MECOM: variants seen among roughly 807,000 people sequenced by gnomAD.
MECOM encodes the protein MDS1 and EVI1 complex locus, also known as histone-lysine N-methyltransferase MECOM.
MECOM carries 13 observed loss-of-function variants against 116.3 expected under a neutral mutation model. That is an observed-to-expected ratio of 0.11 (90% CI 0.07 to 0.18). The LOEUF (loss-of-function observed/expected upper bound fraction) is 0.18. MECOM is among the 10% of genes least tolerant of loss of function. The pLI is 1.00. For missense variants in MECOM, 1,299 were observed against 1,509.0 expected (o/e 0.86, Z 2.31); for synonymous variants, 528 against 535.2 (o/e 0.99, Z 0.19).
intron 3 of MECOM, 52 bp from the exon 4 acceptor site, chr3:169,131,583 T>C (rs982862370): frequency 2.8e-6 from 4 of 1,430,248 alleles, no homozygotes; most frequent in Admixed American, 1.9e-5. Flanking sequence ...GAGATGTATA[T>C]ATATTAACAA....
At chr3:169,235,133 C>T (rs1753875696) in intron 2 of MECOM, among the ~76,000 whole-genome samples, 1 of 152,170 alleles carries the variant, frequency 6.6e-6, no homozygotes, top group African/African-American at 2.4e-5. Flanking sequence ...TTGGTAGAGA[C>T]TAAACTCTTA....
intron 2 of MECOM, among the ~76,000 whole-genome samples, chr3:169,199,526 G>A (rs767413243): frequency 6.6e-6 from 1 of 152,016 alleles, no homozygotes; most frequent in African/African-American, 2.4e-5. Flanking sequence ...TGATCCTCCT[G>A]CCTAAGCCTC....
chr3:169,123,635 A>T (rs1731827796), intron 5 of MECOM, among the ~76,000 whole-genome samples: 2 of 152,104 alleles, frequency 1.3e-5, no homozygotes, highest in South Asian at 2.1e-4. Flanking sequence ...ACACTGGGAT[A>T]CTACCCCCAA....
At chr3:169,146,128 C>A in intron 2 of MECOM, 4 of 617,112 alleles carry the variant, frequency 6.5e-6, no homozygotes, top group Non-Finnish European at 8.7e-6. Context: ...AAGCTGTCAA[C>A]CTCCAAAGAT....
At chr3:169,329,584 G>T (rs1000478771) in intron 2 of MECOM, among the ~76,000 whole-genome samples, 1 of 152,082 alleles carries the variant, frequency 6.6e-6, no homozygotes, top group African/African-American at 2.4e-5. Flanking sequence ...CATCTAACTC[G>T]CTCTGTCCAG....
At chr3:169,265,038 A>T (rs1425933608) in intron 2 of MECOM, among the ~76,000 whole-genome samples, 1 of 152,198 alleles carries the variant, frequency 6.6e-6, no homozygotes, top group African/African-American at 2.4e-5. Flanking sequence ...AAACAGAAAA[A>T]AAAAAAAGTT....
intron 1 of MECOM, among the ~76,000 whole-genome samples, chr3:169,481,737 C>T (rs752160365): frequency 2.0e-5 from 3 of 152,014 alleles, no homozygotes; most frequent in South Asian, 2.1e-4. Context: ...ACACAACAAC[C>T]TCTGGTTTCT....
chr3:169,237,629 A>T (rs1754242251), intron 2 of MECOM, among the ~76,000 whole-genome samples: 1 of 149,510 alleles, frequency 6.7e-6, no homozygotes, highest in South Asian at 2.1e-4. Flanking sequence ...AAAAAAAAAA[A>T]AAAAAATGTG....
chr3:169,430,768 A>C (rs751156798), intron 1 of MECOM, among the ~76,000 whole-genome samples: 1 of 152,206 alleles, frequency 6.6e-6, no homozygotes, highest in Non-Finnish European at 1.5e-5. Context: ...CCAGCCATCT[A>C]GTACCAATCA....
chr3:169,570,867 C>A (rs1249250483), intron 1 of MECOM, among the ~76,000 whole-genome samples: 7 of 152,132 alleles, frequency 4.6e-5, no homozygotes, highest in South Asian at 2.1e-4. Context: ...TTATGACAAA[C>A]CCACAGTCTA....
intron 1 of MECOM, among the ~76,000 whole-genome samples, chr3:169,495,241 G>C (rs564019862): frequency 6.6e-6 from 1 of 152,238 alleles, no homozygotes; most frequent in South Asian, 2.1e-4. Flanking sequence ...CCGGTTTATA[G>C]CTTTGATAAG....
chr3:169,624,226 G>T (rs549321649), intron 1 of MECOM, among the ~76,000 whole-genome samples: 75 of 152,280 alleles, frequency 4.9e-4, no homozygotes, highest in African/African-American at 1.8e-3. Flanking sequence ...AAACTGCCAG[G>T]TTTCTGCCTG....
Position 169,466,406 on chromosome 3 carries a change from A to T in MECOM, c.38-84882T>A, listed in dbSNP as rs544267815. On this transcript the variant is annotated intron_variant, in intron 1 of 16. Coordinates refer to ENST00000651503, the MANE Select transcript of MECOM (RefSeq NM_004991.4). Reference sequence around the variant, plus strand: ...TCTATCTGAGTGCCAACAGCAAGATAAATGAAAGACTGGTTCACTGGAGTA... The same window carrying T: ...TCTATCTGAGTGCCAACAGCAAGATTAATGAAAGACTGGTTCACTGGAGTA... 2.0e-5 allele frequency among the ~76,000 whole-genome samples: 3 copies of T among 152,310 alleles called. No homozygotes were observed. In the East Asian group the frequency reaches 5.8e-4, roughly 29 times the overall value.
At chr3:169,261,762 GGAA>G (rs1757585817) in intron 2 of MECOM, among the ~76,000 whole-genome samples, 1 of 114,464 alleles carries the variant, frequency 8.7e-6, no homozygotes, top group South Asian at 3.0e-4. Flanking sequence ...AAGAAGAAGA[GGAA>G]GAAGAAGACG....
intron 2 of MECOM, among the ~76,000 whole-genome samples, chr3:169,368,418 C>T (rs934483533): frequency 1.3e-5 from 2 of 151,992 alleles, no homozygotes; most frequent in African/African-American, 4.8e-5. Context: ...TGTTAAGATA[C>T]TACATTAATA....
At chr3:169,647,752 A>G (rs1443734206) in intron 1 of MECOM, among the ~76,000 whole-genome samples, 1 of 152,180 alleles carries the variant, frequency 6.6e-6, no homozygotes, top group Non-Finnish European at 1.5e-5. Context: ...AAGCTTATAC[A>G]TATGTCATCT....
chr3:169,136,428 T>C (rs1312605505), intron 3 of MECOM, among the ~76,000 whole-genome samples: 1 of 151,244 alleles, frequency 6.6e-6, no homozygotes, highest in African/African-American at 2.4e-5. Context: ...TATATTATGT[T>C]TTATAAAATT....
At chr3:169,423,040 T>G (rs1329947893) in intron 1 of MECOM, among the ~76,000 whole-genome samples, 2 of 152,006 alleles carry the variant, frequency 1.3e-5, no homozygotes, top group Non-Finnish European at 2.9e-5. Context: ...CAAACCGTAA[T>G]GTACATAGAA....
At chr3:169,107,525 G>C (rs9866256) in intron 10 of MECOM, among the ~76,000 whole-genome samples, 6,271 of 152,232 alleles carry the variant, frequency 0.041, 433 homozygotes, top group African/African-American at 0.14. Flanking sequence ...CTACACAGGA[G>C]TTCAGGTTTT....
Sources: allele counts gnomAD v4.1 joint callset (sites outside exome capture counted in the v4.1 genomes callset), GRCh38; gene constraint gnomAD v4.1.1; transcripts MANE v1.5; gene names NCBI Gene and HGNC (gene_info 2026-07-23, HGNC 2026-07-21).